RPS6KC1: variants seen among roughly 807,000 people sequenced by gnomAD.
RPS6KC1 encodes the protein inactive ribosomal protein S6 kinase delta-1.
In RPS6KC1, 54 loss-of-function variants were observed where a neutral mutation model predicts 103.8. That is an observed-to-expected ratio of 0.52 (90% confidence interval 0.42 to 0.65). The LOEUF (loss-of-function observed/expected upper bound fraction) is 0.65, where lower values mean the gene tolerates loss of function less well. Ranked by LOEUF, RPS6KC1 falls within the 30% of genes least tolerant of loss-of-function variation. RPS6KC1 has a pLI of 0.00. For missense variants in RPS6KC1, 1,151 were observed against 1,253.8 expected (o/e 0.92, Z 1.24); for synonymous variants, 439 against 438.7 (o/e 1.00, Z -0.01).
the RPS6KC1 span, among the ~76,000 whole-genome samples, chr1:213,766,242 C>A: frequency 2.6e-5 from 4 of 152,086 alleles, no homozygotes; most frequent in Non-Finnish European, 5.9e-5. Context: ...TCTTTCCTCC[C>A]GAGTCTTAAA....
the RPS6KC1 span, among the ~76,000 whole-genome samples, chr1:213,307,036 T>G: frequency 6.6e-6 from 1 of 151,438 alleles, no homozygotes; most frequent in Non-Finnish European, 1.5e-5. Flanking sequence ...GTCTTTCACA[T>G]GCACTCCCAT....
At chr1:213,754,237 C>T in the RPS6KC1 span, among the ~76,000 whole-genome samples, 21 of 152,202 alleles carry the variant, frequency 1.4e-4, no homozygotes, top group Non-Finnish European at 2.5e-4. Context: ...TGTGGATGGC[C>T]GTCTTCTCTC....
chr1:213,800,993 G>C, the RPS6KC1 span, among the ~76,000 whole-genome samples: 1 of 152,186 alleles, frequency 6.6e-6, no homozygotes, highest in Non-Finnish European at 1.5e-5. Flanking sequence ...GGCTTTCACT[G>C]CATGCTGCTC....
At chr1:213,851,431 C>T in the RPS6KC1 span, among the ~76,000 whole-genome samples, 2 of 152,148 alleles carry the variant, frequency 1.3e-5, no homozygotes, top group African/African-American at 2.4e-5. Context: ...AATGTGGAAA[C>T]CCAGCAGTCC....
chr1:213,378,843 A>T, the RPS6KC1 span, among the ~76,000 whole-genome samples: 1 of 152,164 alleles, frequency 6.6e-6, no homozygotes, highest in African/African-American at 2.4e-5. Context: ...CACACCTCAC[A>T]GGTCACCTGC....
the RPS6KC1 span, among the ~76,000 whole-genome samples, chr1:213,475,863 C>T: frequency 6.6e-6 from 1 of 152,198 alleles, no homozygotes; most frequent in Non-Finnish European, 1.5e-5. Context: ...TTACCCTCTT[C>T]AGACAGAAAG....
chr1:213,402,529 AG>A, the RPS6KC1 span, among the ~76,000 whole-genome samples: 2 of 152,196 alleles, frequency 1.3e-5, no homozygotes, highest in Non-Finnish European at 2.9e-5. Flanking sequence ...GGGAATAATG[AG>A]GAGAACTGAG....
the RPS6KC1 span, among the ~76,000 whole-genome samples, chr1:213,811,391 C>T: frequency 2.0e-5 from 3 of 152,094 alleles, 1 homozygote; most frequent in South Asian, 6.2e-4. Context: ...CTGCCCAGCC[C>T]ATCCCCATGC....
chr1:213,101,773 T>C (rs1362086194), intron 3 of RPS6KC1, among the ~76,000 whole-genome samples: 1 of 152,214 alleles, frequency 6.6e-6, no homozygotes, highest in Non-Finnish European at 1.5e-5. Context: ...TATTAATTTA[T>C]AGGCACTTGA....
At chr1:213,563,431 G>A in the RPS6KC1 span, among the ~76,000 whole-genome samples, 9 of 151,818 alleles carry the variant, frequency 5.9e-5, no homozygotes, top group Admixed American at 2.0e-4. Context: ...TGGAATTTTA[G>A]TTCATTTATA....
chr1:213,389,375 C>A, the RPS6KC1 span, among the ~76,000 whole-genome samples: 1 of 152,184 alleles, frequency 6.6e-6, no homozygotes, highest in Non-Finnish European at 1.5e-5. Flanking sequence ...GGAGTCAGTG[C>A]CTTGCTTGGC....
chr1:213,115,013 T>C (rs999127272), intron 4 of RPS6KC1, among the ~76,000 whole-genome samples: 7 of 152,236 alleles, frequency 4.6e-5, no homozygotes, highest in South Asian at 2.1e-4. Flanking sequence ...TCTAAAATTC[T>C]CTTTTTTTGT....
chr1:213,494,637 A>G, the RPS6KC1 span, among the ~76,000 whole-genome samples: 7 of 152,078 alleles, frequency 4.6e-5, no homozygotes, highest in Non-Finnish European at 1.0e-4. Context: ...GATGAAAAAT[A>G]TGAGCAAGAA....
chr1:213,325,640 ACCACTTC>A, the RPS6KC1 span, among the ~76,000 whole-genome samples: 729 of 152,202 alleles, frequency 4.8e-3, 4 homozygotes, highest in African/African-American at 0.013. Context: ...AAGTTTCCCC[ACCACTTC>A]CGCTTCTGGG....
chr1:213,335,700 T>A, the RPS6KC1 span, among the ~76,000 whole-genome samples: 2 of 152,170 alleles, frequency 1.3e-5, no homozygotes, highest in African/African-American at 4.8e-5. Flanking sequence ...AAATATAGGT[T>A]TTATTCAAGG....
At chr1:213,780,082 A>G in the RPS6KC1 span, among the ~76,000 whole-genome samples, 1 of 152,190 alleles carries the variant, frequency 6.6e-6, no homozygotes, top group African/African-American at 2.4e-5. Context: ...TTTACTAACT[A>G]ATGTTAATTA....
At chr1:213,112,719 C>T (rs562656876) in intron 4 of RPS6KC1, among the ~76,000 whole-genome samples, 59 of 152,070 alleles carry the variant, frequency 3.9e-4, no homozygotes, top group Admixed American at 7.2e-4. Context: ...CCCCTCTCCC[C>T]CCACCCCACA....
chr1:213,646,811 A>C, the RPS6KC1 span, among the ~76,000 whole-genome samples: 1 of 152,094 alleles, frequency 6.6e-6, no homozygotes, highest in Non-Finnish European at 1.5e-5. Flanking sequence ...CTCTGGAGTT[A>C]GTTCACCTGG....
the RPS6KC1 span, among the ~76,000 whole-genome samples, chr1:213,302,202 C>CT: frequency 1.3e-5 from 2 of 152,170 alleles, no homozygotes; most frequent in Admixed American, 1.3e-4. Context: ...AGGAAAGTCT[C>CT]TAATGTGAAA....
Sources: allele counts gnomAD v4.1 joint callset (sites outside exome capture counted in the v4.1 genomes callset), GRCh38; gene constraint gnomAD v4.1.1; transcripts MANE v1.5; gene names NCBI Gene and HGNC (gene_info 2026-07-23, HGNC 2026-07-21).